The following SDC2 variants were observed in gnomAD, a reference collection of about 807,000 sequenced individuals.
The protein encoded by SDC2 is syndecan 2.
SDC2 carries 13 observed loss-of-function variants against 22.2 expected under a neutral mutation model. The observed-to-expected ratio is 0.59, with a 90% CI of 0.38 to 0.93. The LOEUF (loss-of-function observed/expected upper bound fraction) is 0.93. Among genes scored for constraint, SDC2 ranks in the 40% least tolerant of loss-of-function variants. SDC2 has a pLI of 0.00. For missense variants in SDC2, 235 were observed against 246.8 expected, an observed-to-expected ratio of 0.95 and a Z score of 0.32; for synonymous variants, 94 against 92.8, an observed-to-expected ratio of 1.01 and a Z score of -0.07.
At chr8:96,589,413 TGTTG>T (rs1318251111) in intron 1 of SDC2, among the ~76,000 whole-genome samples, 1 of 131,104 alleles carries the variant, frequency 7.6e-6, no homozygotes, top group Non-Finnish European at 1.7e-5. Flanking sequence ...TTTGTTTGTT[TGTTG>T]TTTGTTTTTT....
chr8:96,494,716 C>T (rs1813021909), intron 1 of SDC2, among the ~76,000 whole-genome samples: 1 of 152,160 alleles, frequency 6.6e-6, no homozygotes, highest in African/African-American at 2.4e-5. Flanking sequence ...GGCTCCACTC[C>T]GCGCGCTCCT....
At chr8:96,494,605 C>G (rs1177243180) in intron 1 of SDC2, among the ~76,000 whole-genome samples, 1 of 152,116 alleles carries the variant, frequency 6.6e-6, no homozygotes. Flanking sequence ...GAAGTCACTC[C>G]CAACTTCTTC....
At position 96,565,084 on chromosome 8, in the gene SDC2, A is replaced by ATTTTTTTTTTTTTTTTTTTTTTTTTT; in HGVS notation, c.61-28381_61-28380insTTTTTTTTTTTTTTTTTTTTTTTTTT. Among the ~76,000 whole-genome samples the ATTTTTTTTTTTTTTTTTTTTTTTTTT allele has an allele frequency of 9.4e-3, 638 of 67,770 alleles. 151 individuals are homozygous for ATTTTTTTTTTTTTTTTTTTTTTTTTT. The highest frequency in any genetic ancestry group is 0.011 in the Non-Finnish European group (369 of 34,142). The allele number at this position is 67,770 out of a possible 152,430, so 44.5% of individuals were successfully genotyped here. A position where few individuals can be genotyped will look rare whatever the true frequency, so the allele number is the denominator to read the frequency against. ...GATCACTGAGACCATCCTAAATTTGATTTTTTTTTTTTTTTGTTGAGATGG... is the reference window on the plus strand; with the variant it reads ...GATCACTGAGACCATCCTAAATTTGATTTTTTTTTTTTTTTTTTTTTTTTTTTTTTTTTTTTTTTTTGTTGAGATGG... On this transcript the variant is annotated intron_variant, in intron 1 of 4. Transcript: ENST00000302190.
At chr8:96,567,200 G>A (rs1563664375) in intron 1 of SDC2, among the ~76,000 whole-genome samples, 1 of 152,202 alleles carries the variant, frequency 6.6e-6, no homozygotes, top group Non-Finnish European at 1.5e-5. Context: ...TTATTAGTAA[G>A]CGTTCATGCC....
At chr8:96,545,951 G>A (rs377376825) in intron 1 of SDC2, among the ~76,000 whole-genome samples, 7 of 152,232 alleles carry the variant, frequency 4.6e-5, no homozygotes, top group African/African-American at 9.6e-5. Context: ...CAGGGATGCT[G>A]CATAATCCCC....
intron 1 of SDC2, among the ~76,000 whole-genome samples, chr8:96,519,654 A>T (rs1586276853): frequency 2.0e-5 from 3 of 149,278 alleles, no homozygotes; most frequent in Admixed American, 6.7e-5. Context: ...AGTAGTATAA[A>T]TTTTTTTTTT....
chr8:96,578,722 G>A (rs1814542977), intron 1 of SDC2, among the ~76,000 whole-genome samples: 2 of 152,168 alleles, frequency 1.3e-5, no homozygotes, highest in African/African-American at 4.8e-5. Context: ...CTTGACAATG[G>A]TTTAGGCCCT....
At chr8:96,552,661 T>C (rs1586295750) in intron 1 of SDC2, among the ~76,000 whole-genome samples, 1 of 152,290 alleles carries the variant, frequency 6.6e-6, no homozygotes, top group South Asian at 2.1e-4. Context: ...GACAAAGAAG[T>C]TTTTAGATTT....
chr8:96,518,174 G>T (rs2575738), intron 1 of SDC2, among the ~76,000 whole-genome samples: 1 of 151,654 alleles, frequency 6.6e-6, no homozygotes, highest in East Asian at 1.9e-4. Context: ...CTGATTTTTC[G>T]AAGTTTTGTT....
At chr8:96,607,504 G>A (rs1815101153) in intron 3 of SDC2, among the ~76,000 whole-genome samples, 1 of 152,176 alleles carries the variant, frequency 6.6e-6, no homozygotes, top group Non-Finnish European at 1.5e-5. Context: ...TAGAAAAGGA[G>A]GTTGATCTGA....
rs181512460 is a variant in SDC2 at position 96,507,048 on chromosome 8, A to G, written c.60+12717A>G. Among the ~76,000 whole-genome samples the G allele has an allele frequency of 4.2e-3, 635 of 152,098 alleles. 3 individuals are homozygous for G. The highest frequency in any genetic ancestry group is 7.3e-3 in the Non-Finnish European group (495 of 67,986). ...AAAAAAAAAGATAGCTAAGTAATCA[A>G]AGAGGTATAAAAGTGTTGGGATAAT... On this transcript the variant is annotated intron_variant, in intron 1 of 4. Transcript: ENST00000302190.
At chr8:96,576,545 A>G (rs1267862132) in intron 1 of SDC2, among the ~76,000 whole-genome samples, 5 of 117,422 alleles carry the variant, frequency 4.3e-5, no homozygotes, top group Admixed American at 8.9e-5. Flanking sequence ...TCAGCCTCCC[A>G]AGTAGCTGGG....
intron 1 of SDC2, among the ~76,000 whole-genome samples, chr8:96,562,934 T>C (rs1330752619): frequency 6.6e-6 from 1 of 152,132 alleles, no homozygotes; most frequent in Non-Finnish European, 1.5e-5. Context: ...CTTTTTTTTT[T>C]CCTTTCCTGA....
At chr8:96,554,494 A>T (rs1814078046) in intron 1 of SDC2, among the ~76,000 whole-genome samples, 1 of 152,022 alleles carries the variant, frequency 6.6e-6, no homozygotes, top group African/African-American at 2.4e-5. Context: ...AAAAAAAAAG[A>T]CCTCTAATCT....
rs143772001 is a variant in SDC2, at chr8:96,495,975, C to T, written c.60+1644C>T. On this transcript the variant is annotated intron_variant, in intron 1 of 4. Coordinates refer to ENST00000302190, the MANE Select transcript of SDC2 (RefSeq NM_002998.4). ...GGATGAACTTTGGCTCTTTGTACAC[C>T]AAAAGGCAGCAGTTCTCTTGTTTAT... 5.5e-3 allele frequency among the ~76,000 whole-genome samples: 844 copies of T among 152,292 alleles called. 6 individuals carry two copies. The highest frequency in any genetic ancestry group is 0.019 in the African/African-American group (780 of 41,544).
intron 1 of SDC2, among the ~76,000 whole-genome samples, chr8:96,584,766 C>T (rs1814652957): frequency 6.6e-6 from 1 of 152,150 alleles, no homozygotes; most frequent in Admixed American, 6.5e-5. Flanking sequence ...GCAAACCTCT[C>T]GCTTCTCTCT....
intron 1 of SDC2, among the ~76,000 whole-genome samples, chr8:96,540,340 G>GTGTGTATATATATATA (rs4058341): frequency 0.047 from 5,768 of 123,618 alleles, 211 homozygotes; most frequent in Non-Finnish European, 0.064. Context: ...ATATATATGT[G>GTGTGTATATATATATA]TATATATATA....
chr8:96,569,174 A>G (rs888935154), intron 1 of SDC2, among the ~76,000 whole-genome samples: 1 of 152,076 alleles, frequency 6.6e-6, no homozygotes, highest in African/African-American at 2.4e-5. Context: ...CGTCCGGATA[A>G]TTTTTAAAAT....
At chr8:96,598,833 T>C (rs1051922068) in intron 2 of SDC2, among the ~76,000 whole-genome samples, 1 of 151,958 alleles carries the variant, frequency 6.6e-6, no homozygotes, top group Admixed American at 6.6e-5. Context: ...GGAGGAGATA[T>C]TCAGTGGGGC....
Sources: allele counts gnomAD v4.1 joint callset (sites outside exome capture counted in the v4.1 genomes callset), GRCh38; gene constraint gnomAD v4.1.1; transcripts MANE v1.5; gene names NCBI Gene and HGNC (gene_info 2026-07-23, HGNC 2026-07-21).